The following PFKFB1 variants were observed in gnomAD, a reference collection of about 807,000 sequenced individuals.
PFKFB1 encodes 6-phosphofructo-2-kinase/fructose-2,6-biphosphatase 1, also known as 6-phosphofructo-2-kinase/fructose-2,6-bisphosphatase 1.
PFKFB1 carries 34 observed loss-of-function variants against 46.4 expected under a neutral mutation model. The observed-to-expected ratio is 0.73, with a 90% confidence interval of 0.56 to 0.98. The LOEUF (loss-of-function observed/expected upper bound fraction) is 0.98. Ranked by LOEUF, PFKFB1 falls within the 50% of genes least tolerant of loss-of-function variation. The probability of loss-of-function intolerance (pLI) is 0.00; values close to 1 mark genes in which losing one functional copy is unlikely to be tolerated. For synonymous variants in PFKFB1, 119 were observed against 133.8 expected (o/e 0.89, Z 0.76); for missense variants, 393 against 376.3 (o/e 1.04, Z -0.37).
At chrX:54,934,201 G>A (rs1325197617) in intron 12 of PFKFB1, among the ~76,000 whole-genome samples, 2 of 112,091 alleles carry the variant, frequency 1.8e-5, no homozygotes, top group African/African-American at 3.2e-5. Context: ...CTTGAGGTCC[G>A]CAGGACAGCA....
intron 10 of PFKFB1, among the ~76,000 whole-genome samples, chrX:54,940,580 C>T (rs1933587161): frequency 8.9e-6 from 1 of 111,746 alleles, no homozygotes; most frequent in African/African-American, 3.3e-5. Context: ...AAATCACAAG[C>T]ATTCTTTACA....
At chrX:54,966,505 G>A (rs1309490554) in intron 1 of PFKFB1, among the ~76,000 whole-genome samples, 1 of 111,691 alleles carries the variant, frequency 9.0e-6, no homozygotes, top group African/African-American at 3.3e-5. Context: ...ACTAAAATTC[G>A]GAGAGTGGGG....
chrX:54,997,784 C>G (rs959079051), upstream of PFKFB1, among the ~76,000 whole-genome samples: 2 of 112,168 alleles, frequency 1.8e-5, no homozygotes, highest in African/African-American at 6.5e-5. Context: ...GGGCCCCAAA[C>G]CTCACTGAAT....
At chrX:54,938,765 G>C (rs950460295) in intron 10 of PFKFB1, among the ~76,000 whole-genome samples, 2 of 111,265 alleles carry the variant, frequency 1.8e-5, no homozygotes, top group African/African-American at 6.6e-5. Flanking sequence ...CCTACAAAGA[G>C]ACTTAGACTC....
intron 2 of PFKFB1, among the ~76,000 whole-genome samples, chrX:54,962,012 G>A (rs1394278660): frequency 1.8e-5 from 2 of 111,518 alleles, no homozygotes; most frequent in Non-Finnish European, 1.9e-5. Flanking sequence ...GAACAACAGG[G>A]TAAGGAGCTT....
At chrX:54,971,441 G>A (rs1247014593) in intron 1 of PFKFB1, among the ~76,000 whole-genome samples, 2 of 110,080 alleles carry the variant, frequency 1.8e-5, no homozygotes, top group African/African-American at 6.6e-5. Context: ...GTAATGCCTA[G>A]GTTTTCTTCT....
intron 11 of PFKFB1, among the ~76,000 whole-genome samples, chrX:54,935,958 C>T (rs2146586248): frequency 9.0e-6 from 1 of 111,711 alleles, no homozygotes; most frequent in Non-Finnish European, 1.9e-5. Context: ...CTGCCACTGC[C>T]CTCCCAGCCT....
upstream of PFKFB1, among the ~76,000 whole-genome samples, chrX:54,997,266 C>T (rs1022882679): frequency 9.8e-5 from 11 of 111,700 alleles, no homozygotes; most frequent in Non-Finnish European, 1.3e-4. Context: ...GTTTCTCTAC[C>T]TTGAATGGGA....
chrX:54,984,917 T>C (rs753361533), intron 1 of PFKFB1, among the ~76,000 whole-genome samples: 2 of 110,695 alleles, frequency 1.8e-5, no homozygotes, highest in Admixed American at 1.9e-4. Flanking sequence ...CCTCATTCCA[T>C]CTTGCTCACA....
At chrX:54,946,220 C>T (rs1290871953) in intron 9 of PFKFB1, among the ~76,000 whole-genome samples, 1 of 111,054 alleles carries the variant, frequency 9.0e-6, no homozygotes, top group African/African-American at 3.3e-5. Flanking sequence ...AAACAGGCAT[C>T]CATAGACATC....
At chrX:54,971,521 G>T (rs1182081905) in intron 1 of PFKFB1, among the ~76,000 whole-genome samples, 3 of 111,835 alleles carry the variant, frequency 2.7e-5, no homozygotes, top group Non-Finnish European at 5.6e-5. Context: ...TGTATAAGGT[G>T]TAAGGAAGGG....
At chrX:54,945,120 G>A (rs1052306407) in intron 10 of PFKFB1, among the ~76,000 whole-genome samples, 7 of 112,423 alleles carry the variant, frequency 6.2e-5, no homozygotes, top group African/African-American at 2.3e-4. Context: ...CAGGAAATCA[G>A]AGTATGTTGA....
At chrX:54,946,480 T>C (rs1373185677) in intron 9 of PFKFB1, among the ~76,000 whole-genome samples, 1 of 111,750 alleles carries the variant, frequency 8.9e-6, no homozygotes, top group Non-Finnish European at 1.9e-5. Flanking sequence ...AGGGGGCCAG[T>C]GGCCTCTGGT....
rs758221322 is a variant in PFKFB1, at chrX:54,958,991, C to A, written c.385-66G>T. ...GCTAACAGAACACCTACTCTTTGCC[C>A]ATCCCTGTGCTAAGTGGAGGGCTTC... On this transcript the variant is annotated intron_variant, in intron 4 of 13. Transcript: ENST00000375006. 8 of 682,556 alleles carry A rather than the reference C, an allele frequency of 1.2e-5. No individual in the cohort carries two copies. In the South Asian group the frequency reaches 1.7e-4, roughly 15 times the overall value. The allele number at this position is 682,556 out of a possible 1,213,427, so 56.3% of individuals were successfully genotyped here.
chrX:54,952,123 C>T lies in PFKFB1; in HGVS notation c.639-11G>A, dbSNP rs1389208281. 3 of 1,195,445 alleles carry T rather than the reference C, an allele frequency of 2.5e-6. No homozygotes were observed. Among genetic ancestry groups the T allele is most frequent in the African/African-American group, 1.8e-5 (1 of 56,825 alleles). On this transcript the variant is annotated splice_polypyrimidine_tract_variant and intron_variant, in intron 7 of 13. Coordinates refer to ENST00000375006, the MANE Select transcript of PFKFB1 (RefSeq NM_002625.4). ...ATGTAGGACAGGTGGCTGGGCCAGA[C>T]CCAAGCAGGAGCAAGGGCAGCTCAG...
chrX:54,938,768 T>G (rs776244748), intron 10 of PFKFB1, among the ~76,000 whole-genome samples: 85 of 111,375 alleles, frequency 7.6e-4, no homozygotes, highest in African/African-American at 2.6e-3. Flanking sequence ...ACAAAGAGAC[T>G]TAGACTCCCA....
At chrX:54,942,678 A>G (rs751086980) in intron 10 of PFKFB1, among the ~76,000 whole-genome samples, 1 of 111,907 alleles carries the variant, frequency 8.9e-6, no homozygotes, top group South Asian at 3.8e-4. Context: ...AGAAACAAGA[A>G]GAGAACCCTA....
chrX:54,977,201 G>A (rs748888460), intron 1 of PFKFB1, among the ~76,000 whole-genome samples: 10 of 111,141 alleles, frequency 9.0e-5, no homozygotes, highest in Non-Finnish European at 1.7e-4. Flanking sequence ...TATATTACAA[G>A]TATATATATC....
At chrX:54,959,167 G>A (rs1051513410) in intron 4 of PFKFB1, among the ~76,000 whole-genome samples, 50 of 110,684 alleles carry the variant, frequency 4.5e-4, no homozygotes, top group African/African-American at 1.4e-3. Context: ...GGAAATTGTG[G>A]GTTTTTATTA....
Sources: allele counts gnomAD v4.1 joint callset (sites outside exome capture counted in the v4.1 genomes callset), GRCh38; gene constraint gnomAD v4.1.1; transcripts MANE v1.5; gene names NCBI Gene and HGNC (gene_info 2026-07-23, HGNC 2026-07-21).